BRAF: variants seen among roughly 807,000 people sequenced by gnomAD.
The protein encoded by BRAF is serine/threonine-protein kinase B-raf.
A neutral mutation model predicts 104.6 loss-of-function variants in BRAF; 16 were observed. That is an observed-to-expected ratio of 0.15 (90% CI 0.10 to 0.23). BRAF has a LOEUF of 0.23. Among genes scored for constraint, BRAF ranks in the 10% least tolerant of loss-of-function variants. The pLI is 1.00. For synonymous variants in BRAF, 310 were observed against 341.6 expected, an observed-to-expected ratio of 0.91 and a Z score of 1.02; for missense variants, 541 against 937.3, an observed-to-expected ratio of 0.58 and a Z score of 5.52.
At chr7:140,876,843 T>C (rs1180023017) in intron 1 of BRAF, among the ~76,000 whole-genome samples, 1 of 152,152 alleles carries the variant, frequency 6.6e-6, no homozygotes, top group African/African-American at 2.4e-5. Flanking sequence ...GAATACATGT[T>C]CTTGTCAAAT....
rs375054953 is a variant in BRAF at position 140,826,267 on chromosome 7, T to C, written c.504+8342A>G. On this transcript the variant is annotated intron_variant, in intron 3 of 19. Transcript: ENST00000644969. Reference sequence around the variant, plus strand: ...AGTGTTATCTTGCTACATCCTCAAATGAGTATCAGTATGTTCACTCTTTTT... The same window carrying C: ...AGTGTTATCTTGCTACATCCTCAAACGAGTATCAGTATGTTCACTCTTTTT... Among the ~76,000 whole-genome samples the C allele has an allele frequency of 9.2e-5, 14 of 152,362 alleles. No individual in the cohort carries two copies. In the East Asian group the frequency reaches 1.7e-3, roughly 19 times the overall value.
At position 140,720,745 on chromosome 7, in the gene BRAF, T is replaced by TC. The variant is rs1238666701; in HGVS notation, c.*5748dup. ...TTGTTTATGCTAGTTTGCAGTGACT[T>TC]CCAACTCATACTCCACCAAAACACA... On this transcript the variant is annotated 3_prime_UTR_variant, in exon 20 of 20. Transcript: ENST00000644969. 2 of 1,065,870 alleles carry TC rather than the reference T, an allele frequency of 1.9e-6. No individual in the cohort carries two copies. The highest frequency in any genetic ancestry group is 3.3e-5 in the African/African-American group (2 of 61,116). The allele number at this position is 1,065,870 out of a possible 1,614,324, so 66.0% of individuals were successfully genotyped here. A position where few individuals can be genotyped will look rare whatever the true frequency, so the allele number is the denominator to read the frequency against.
chr7:140,892,486 T>C (rs1172038391), intron 1 of BRAF, among the ~76,000 whole-genome samples: 2 of 152,232 alleles, frequency 1.3e-5, no homozygotes, highest in Admixed American at 1.3e-4. Context: ...CATTTGAGCT[T>C]AGAAACTCAA....
chr7:140,885,250 A>C (rs191052211), intron 1 of BRAF, among the ~76,000 whole-genome samples: 2,122 of 151,986 alleles, frequency 0.014, 24 homozygotes, highest in Non-Finnish European at 0.023. Flanking sequence ...TGATCTGCCC[A>C]CCTCAGACTC....
In BRAF at chr7:140,876,494, T is replaced by C. The variant is rs1053412698; in HGVS notation, c.139-26282A>G. Among the ~76,000 whole-genome samples, 15 of 152,208 alleles carry C rather than the reference T, an allele frequency of 9.9e-5. 1 individual carries two copies. The highest frequency in any genetic ancestry group is 3.6e-4 in the African/African-American group (15 of 41,456). On this transcript the variant is annotated intron_variant, in intron 1 of 19. Coordinates refer to ENST00000644969, the MANE Select transcript of BRAF (RefSeq NM_001374258.1). ...ATGCCAAAATTACATTAAATGTGAA[T>C]AGTCTATAGATACAAATTAAAAGAC...
At chr7:140,740,081 T>C in intron 17 of BRAF, 135 bp from the exon 17 acceptor site, 1 of 938,902 alleles carries the variant, frequency 1.1e-6, no homozygotes, top group Non-Finnish European at 1.6e-6. Context: ...TAAAAAGTTT[T>C]AAAAAACCAA....
Position 140,809,106 on chromosome 7 carries a change from T to C in BRAF, c.505-111A>G, listed in dbSNP as rs1803957779. 16 of 781,892 alleles carry C rather than the reference T, an allele frequency of 2.0e-5. No homozygotes were observed. The South Asian group carries it at 2.3e-4, about 11-fold the overall frequency. The allele number at this position is 781,892 out of a possible 1,614,324, so 48.4% of individuals were successfully genotyped here. On this transcript the variant is annotated intron_variant, in intron 3 of 19. Transcript: ENST00000644969. Reference sequence around the variant, plus strand: ...TTAAAAAGTCAAATGGGTTACTAGGTCAGATACAACACCATTTCTACAGCT... The same window carrying C: ...TTAAAAAGTCAAATGGGTTACTAGGCCAGATACAACACCATTTCTACAGCT...
intron 3 of BRAF, chr7:140,823,583 C>T (rs1805701497): frequency 6.6e-6 from 1 of 152,258 alleles, no homozygotes; most frequent in African/African-American, 2.4e-5. Context: ...GTTGCTTCTG[C>T]CTTTGGCTAC....
At chr7:140,903,529 G>T (rs10244133) in intron 1 of BRAF, among the ~76,000 whole-genome samples, 45,674 of 152,116 alleles carry the variant, frequency 0.3, 10,965 homozygotes, top group African/African-American at 0.67. Flanking sequence ...ACAAGAAGAT[G>T]AACGTTTTCT....
In BRAF at chr7:140,872,352, T is replaced by TA. The variant is rs574077281; in HGVS notation, c.139-22141dup. Among the ~76,000 whole-genome samples the TA allele has an allele frequency of 1.3e-3, 187 of 148,678 alleles. 1 individual carries two copies. The highest frequency in any genetic ancestry group is 2.7e-3 in the African/African-American group (108 of 40,662). On this transcript the variant is annotated intron_variant, in intron 1 of 19. Coordinates refer to ENST00000644969, the MANE Select transcript of BRAF (RefSeq NM_001374258.1). ...AGTCCATGGTACTTTAACAAAAAGT[T>TA]AAAAAAAAAATATGAAGTAAAATGA...
intron 1 of BRAF, among the ~76,000 whole-genome samples, chr7:140,859,023 T>C (rs1810106297): frequency 6.6e-6 from 1 of 152,144 alleles, no homozygotes; most frequent in Non-Finnish European, 1.5e-5. Context: ...TAAAATTACA[T>C]GGTGTTCTAA....
At chr7:140,890,558 CTCT>C (rs1387379791) in intron 1 of BRAF, among the ~76,000 whole-genome samples, 1 of 152,138 alleles carries the variant, frequency 6.6e-6, no homozygotes, top group Non-Finnish European at 1.5e-5. Context: ...TAACTTCTCA[CTCT>C]TAAGTTTACT....
rs1562985327 is a variant in BRAF, at chr7:140,834,645, G to T, written c.468C>A (p.Ile156=). The change falls in exon 3 of 20, where the codon ATC becomes ATA. Residue 156 remains isoleucine, a synonymous_variant. Transcript: ENST00000644969. The stretch of plus-strand genomic sequence containing the variant: ...GTTTGTTGGGCAGGAAGACTCTAAC[G>T]ATAGGTTTTTGTGGTGACTTGGGGT... ...RSNPKSPQKP[I]VRVFLPNKQR... 6.2e-7 allele frequency: 1 copy of T among 1,614,004 alleles called. No homozygotes were observed. Among genetic ancestry groups the T allele is most frequent in the African/African-American group, 1.3e-5 (1 of 74,916 alleles).
chr7:140,765,636 A>G (rs1490266575), intron 14 of BRAF, among the ~76,000 whole-genome samples: 6 of 152,076 alleles, frequency 3.9e-5, no homozygotes, highest in Non-Finnish European at 5.9e-5. Context: ...AAAAGTGGGC[A>G]AAGGACATGA....
At chr7:140,788,747 C>T (rs546539275) in intron 8 of BRAF, among the ~76,000 whole-genome samples, 1 of 152,102 alleles carries the variant, frequency 6.6e-6, no homozygotes, top group South Asian at 2.1e-4. Flanking sequence ...CACCACCATG[C>T]CTGGCTAATT....
At chr7:140,813,556 T>A in intron 3 of BRAF, among the ~76,000 whole-genome samples, 1 of 152,178 alleles carries the variant, frequency 6.6e-6, no homozygotes, top group Non-Finnish European at 1.5e-5. Context: ...GAATAATGTA[T>A]GTGCAACATT....
chr7:140,911,936 T>G (rs1406728496), intron 1 of BRAF, among the ~76,000 whole-genome samples: 2 of 152,234 alleles, frequency 1.3e-5, no homozygotes, highest in African/African-American at 4.8e-5. Context: ...GCAAGTTACA[T>G]TTAACTCTGA....
At chr7:140,787,115 C>A (rs1299330735) in intron 9 of BRAF, among the ~76,000 whole-genome samples, 5 of 151,844 alleles carry the variant, frequency 3.3e-5, no homozygotes, top group African/African-American at 9.7e-5. Flanking sequence ...TCCTGGCTAA[C>A]ACGGTGAAAC....
chr7:140,911,257 A>G (rs1239009853), intron 1 of BRAF, among the ~76,000 whole-genome samples: 1 of 152,206 alleles, frequency 6.6e-6, no homozygotes, highest in African/African-American at 2.4e-5. Flanking sequence ...CAGGCTAGTT[A>G]TTTTTAAATT....
Sources: allele counts gnomAD v4.1 joint callset (sites outside exome capture counted in the v4.1 genomes callset), GRCh38; gene constraint gnomAD v4.1.1; transcripts MANE v1.5; gene names NCBI Gene and HGNC (gene_info 2026-07-23, HGNC 2026-07-21).